The following DRC1 variants were observed in gnomAD, a reference collection of about 807,000 sequenced individuals.
DRC1 encodes dynein regulatory complex subunit 1, also known as dynein regulatory complex protein 1.
Under a neutral mutation model 98.7 loss-of-function variants are expected in DRC1, and 74 were observed. That is an observed-to-expected ratio of 0.75 (90% confidence interval 0.62 to 0.91). The LOEUF is 0.91. Among genes scored for constraint, DRC1 ranks in the 40% least tolerant of loss-of-function variants. DRC1 has a pLI of 0.00. For synonymous variants in DRC1, 336 were observed against 334.1 expected (o/e 1.01, Z -0.06); for missense variants, 875 against 886.0 (o/e 0.99, Z 0.16).
In DRC1 at chr2:26,429,917, A is replaced by G. The variant is rs903093260; in HGVS notation, c.678+152A>G. The G allele has an allele frequency of 4.3e-5, 37 of 862,080 alleles. No homozygotes were observed. The East Asian group carries it at 9.7e-4, about 23-fold the overall frequency. 53.4% of individuals were successfully genotyped at this position (862,080 alleles called of 1,614,324 possible). On this transcript the variant is annotated intron_variant, in intron 5 of 16. Transcript: ENST00000288710. ...TCAGGTTTTATTAATTTATTTACTC[A>G]TTCATTCATATGACAAGTACATATC...
intron 2 of DRC1, among the ~76,000 whole-genome samples, chr2:26,415,253 A>G (rs968835266): frequency 4.6e-5 from 7 of 152,198 alleles, no homozygotes; most frequent in African/African-American, 1.7e-4. Context: ...AACTGGCAAA[A>G]TGCTGCATTT....
intron 8 of DRC1, among the ~76,000 whole-genome samples, chr2:26,443,738 G>T (rs72852794): frequency 0.013 from 1,905 of 152,300 alleles, 41 homozygotes; most frequent in African/African-American, 0.043. Flanking sequence ...TACTGGACCT[G>T]TTAACGGTAT....
Position 26,454,194 on chromosome 2 carries a change from G to A in DRC1, c.1920-453G>A, listed in dbSNP as rs528394791. On this transcript the variant is annotated intron_variant, in intron 14 of 16. Transcript: ENST00000288710. This position sits in a 1 kb window ranked among gnomAD's most constrained non-coding sequence, Gnocchi z 5.2. The stretch of plus-strand genomic sequence containing the variant: ...GCCGAAGAGCCATGATTAGCCTTGC[G>A]TTTTAGAGAGATCATTGTGGCGTCA... Among the ~76,000 whole-genome samples the A allele has an allele frequency of 1.3e-4, 20 of 152,310 alleles. No homozygotes were observed. Among genetic ancestry groups the A allele is most frequent in the East Asian group, 5.8e-4 (3 of 5,180 alleles).
chr2:26,410,022 A>G (rs1294404476), intron 1 of DRC1, among the ~76,000 whole-genome samples: 2 of 151,856 alleles, frequency 1.3e-5, no homozygotes, highest in Non-Finnish European at 2.9e-5. Context: ...TCTTTGGGGG[A>G]AAAAGAGGGA....
chr2:26,430,979 G>A (rs1220963195), intron 6 of DRC1, 107 bp downstream of exon 6: 2 of 438,136 alleles, frequency 4.6e-6, no homozygotes, highest in Non-Finnish European at 6.9e-6. Context: ...TTTTTTTTTT[G>A]AGATGGAATC....
At chr2:26,406,637 G>C (rs116739122) in intron 1 of DRC1, among the ~76,000 whole-genome samples, 1 of 151,934 alleles carries the variant, frequency 6.6e-6, no homozygotes, top group African/African-American at 2.4e-5. Flanking sequence ...CTTGAACACC[G>C]GGAGGTGGAG....
At chr2:26,414,229 G>T in intron 1 of DRC1, 115 bp from the exon 2 acceptor site, 1 of 948,998 alleles carries the variant, frequency 1.1e-6, no homozygotes, top group Non-Finnish European at 1.5e-6. Flanking sequence ...CTCCTGTCTT[G>T]GTCTCCCAAA....
chr2:26,410,375 A>G (rs925722933), intron 1 of DRC1, among the ~76,000 whole-genome samples: 16 of 151,472 alleles, frequency 1.1e-4, no homozygotes, highest in Non-Finnish European at 1.5e-4. Flanking sequence ...GGGTTCAAGC[A>G]ATTCTCCTGC....
At chr2:26,422,852 G>A (rs1334832055) in intron 3 of DRC1, among the ~76,000 whole-genome samples, 1 of 151,618 alleles carries the variant, frequency 6.6e-6, no homozygotes, top group Non-Finnish European at 1.5e-5. Flanking sequence ...CCCAGGAGGT[G>A]GACGTTGTAG....
intron 1 of DRC1, among the ~76,000 whole-genome samples, chr2:26,404,344 T>C (rs1678352096): frequency 6.6e-6 from 1 of 152,184 alleles, no homozygotes; most frequent in South Asian, 2.1e-4. Context: ...TCCATGTAAA[T>C]GTGAACTTCC....
At chr2:26,448,287 C>G (rs1025003844) in intron 10 of DRC1, 1 of 458,840 alleles carries the variant, frequency 2.2e-6, no homozygotes, top group African/African-American at 2.0e-5. Flanking sequence ...TTTGAGTTGG[C>G]TGCTTCTGTC....
intron 10 of DRC1, 190 bp from the exon 11 acceptor site, chr2:26,448,501 G>C: frequency 1.4e-6 from 1 of 712,576 alleles, no homozygotes; most frequent in Non-Finnish European, 2.6e-6. Flanking sequence ...CTCTGATTCC[G>C]ACCCCCTAGC....
At chr2:26,432,031 G>A in intron 7 of DRC1, 25 bp downstream of exon 7, 4 of 1,610,212 alleles carry the variant, frequency 2.5e-6, no homozygotes, top group East Asian at 4.5e-5. Flanking sequence ...CCTCACTAGG[G>A]TGCCTGGGTG....
At position 26,405,158 on chromosome 2, in the gene DRC1, C is replaced by T. The variant is rs565357035; in HGVS notation, c.155+3014C>T. Among the ~76,000 whole-genome samples, 86 of 152,314 alleles carry T rather than the reference C, an allele frequency of 5.6e-4. No homozygotes were observed. The South Asian group carries it at 0.017, about 30-fold the overall frequency. On this transcript the variant is annotated intron_variant, in intron 1 of 16. Transcript: ENST00000288710. The stretch of plus-strand genomic sequence containing the variant: ...GCAAGGGAGCATGAATCTTTACCAG[C>T]GTGCACCCTTAGCCTATTTATCCTT...
At chr2:26,448,936 G>A (rs1409955793) in intron 11 of DRC1, 133 bp downstream of exon 11, 2 of 883,034 alleles carry the variant, frequency 2.3e-6, no homozygotes, top group Non-Finnish European at 3.6e-6. Flanking sequence ...GTTGGGCCCT[G>A]AGGAGCAGAG....
intron 2 of DRC1, among the ~76,000 whole-genome samples, chr2:26,420,966 G>T (rs1407670302): frequency 6.6e-6 from 1 of 151,870 alleles, no homozygotes; most frequent in African/African-American, 2.4e-5. Context: ...GTTTCACCAT[G>T]TTGGCCAAGC....
chr2:26,429,806 G>T (rs1388067021), intron 5 of DRC1, 41 bp downstream of exon 5: 1 of 1,606,496 alleles, frequency 6.2e-7, no homozygotes. Context: ...CTCTTGGAGG[G>T]CCCCTGGGAG....
At chr2:26,411,851 T>C (rs1187474644) in intron 1 of DRC1, among the ~76,000 whole-genome samples, 2 of 151,954 alleles carry the variant, frequency 1.3e-5, no homozygotes, top group African/African-American at 4.8e-5. Flanking sequence ...GTTGTTGTTG[T>C]TGTTTGTTTG....
At chr2:26,410,245 A>ATTAT (rs1678560635) in intron 1 of DRC1, among the ~76,000 whole-genome samples, 2 of 142,996 alleles carry the variant, frequency 1.4e-5, no homozygotes, top group South Asian at 4.4e-4. Context: ...TATAGAGAAA[A>ATTAT]TATTATTATT....
Sources: gnomAD v4.1 joint callset for allele counts (sites outside exome capture counted in the v4.1 genomes callset) on GRCh38, gnomAD v4.1.1 for gene constraint, Gnocchi (gnomAD v3.1) non-coding constraint, MANE v1.5 for transcripts, NCBI Gene and HGNC (gene_info 2026-07-23, HGNC 2026-07-21) for gene names.